The following LPP variants were observed in gnomAD, a reference collection of about 807,000 sequenced individuals.
The protein encoded by LPP is lipoma-preferred partner.
Under a neutral mutation model 60.4 loss-of-function variants are expected in LPP, and 38 were observed. That is an observed-to-expected ratio of 0.63 (90% CI 0.49 to 0.83). The LOEUF is 0.83. Among genes scored for constraint, LPP ranks in the 40% least tolerant of loss-of-function variants. The pLI, the probability that LPP is intolerant of heterozygous loss-of-function variation, is 0.00. For missense variants in LPP, 902 were observed against 783.6 expected, an observed-to-expected ratio of 1.15 and a Z score of -1.80; for synonymous variants, 328 against 290.8, an observed-to-expected ratio of 1.13 and a Z score of -1.30.
At chr3:188,179,535 T>A in intron 1 of LPP, 1 of 457,454 alleles carries the variant, frequency 2.2e-6, no homozygotes, top group South Asian at 1.5e-5. Flanking sequence ...AGAGTTCCTC[T>A]CGTGCTCTCA....
chr3:188,341,620 G>C (rs1763081883), intron 2 of LPP, 43 bp from the exon 3 acceptor site: 1 of 765,648 alleles, frequency 1.3e-6, no homozygotes, highest in African/African-American at 1.9e-5. Context: ...TATGGGTTTG[G>C]TGTCTGGAAG....
chr3:188,269,694 A>T (rs73059690), intron 2 of LPP, among the ~76,000 whole-genome samples: 17,172 of 129,762 alleles, frequency 0.13, 1,344 homozygotes, highest in African/African-American at 0.26. Flanking sequence ...TCTGTCTCCC[A>T]GGCTGGAGTG....
chr3:188,446,251 A>G (rs544236779), intron 4 of LPP, among the ~76,000 whole-genome samples: 2 of 152,140 alleles, frequency 1.3e-5, no homozygotes, highest in East Asian at 3.9e-4. Context: ...TCATTTTGCC[A>G]CTCCAATCTC....
intron 9 of LPP, among the ~76,000 whole-genome samples, chr3:188,800,384 T>C (rs189774316): frequency 6.6e-6 from 1 of 151,814 alleles, no homozygotes; most frequent in African/African-American, 2.4e-5. Flanking sequence ...TAGCTGGGAC[T>C]ACAGGTGTCT....
At position 188,438,354 on chromosome 3, in the gene LPP, TACACACACACACACAC is replaced by T. The variant is rs67832532; in HGVS notation, c.193+32073_193+32088del. 8.0e-4 allele frequency among the ~76,000 whole-genome samples: 110 copies of T among 138,094 alleles called. 1 individual carries two copies. Among genetic ancestry groups the T allele is most frequent in the African/African-American group, 2.9e-3 (105 of 36,734 alleles). 90.6% of individuals were successfully genotyped at this position (138,094 alleles called of 152,430 possible). ...GTGTTCCAGACACTATTCCATGCATTACACACACACACACACACACACACACACACACACACACACA... is the reference window on the plus strand; with the variant it reads ...GTGTTCCAGACACTATTCCATGCATTACACACACACACACACACACACACA... On this transcript the variant is annotated intron_variant, in intron 4 of 11. Transcript: ENST00000617246.
At position 188,760,197 on chromosome 3, in the gene LPP, T is replaced by C; in HGVS notation, c.1325T>C (p.Phe442Ser). 6.2e-7 allele frequency: 1 copy of C among 1,614,132 alleles called. No individual in the cohort carries two copies. The highest frequency in any genetic ancestry group is 1.6e-4 in the Middle Eastern group (1 of 6,062). Reference protein sequence around the residue: ...AMDQVFHVDCFTCIICNNKLR... With the variant: ...AMDQVFHVDCSTCIICNNKLR... ...GATCAGGTCTTCCACGTGGATTGTT[T>C]TACCTGCATCATCTGCAACAACAAG... Residue 442 changes from phenylalanine (F) to serine (S), a missense_variant, in exon 9 of 12, where the codon TTT becomes TCT. Transcript: ENST00000617246.
chr3:188,495,083 T>TATATATATATATATATATTTA (rs57578460), intron 5 of LPP, among the ~76,000 whole-genome samples: 5 of 77,786 alleles, frequency 6.4e-5, no homozygotes, highest in African/African-American at 3.4e-4. Context: ...TATATATATA[T>TATATATATATATATATATTTA]TTTATTTATA....
chr3:188,234,811 C>T (rs1721300132), intron 2 of LPP, among the ~76,000 whole-genome samples: 1 of 152,062 alleles, frequency 6.6e-6, no homozygotes, highest in Admixed American at 6.6e-5. Flanking sequence ...TTATGATGTC[C>T]CCACTATTCA....
intron 1 of LPP, among the ~76,000 whole-genome samples, 48 bp downstream of exon 1, chr3:188,154,300 C>T (rs1395602284): frequency 6.6e-6 from 1 of 152,094 alleles, no homozygotes; most frequent in Non-Finnish European, 1.5e-5. Context: ...CCGCGGGCGC[C>T]TCGGGAACCC....
intron 6 of LPP, among the ~76,000 whole-genome samples, chr3:188,540,790 A>G (rs964189127): frequency 2.0e-5 from 3 of 152,210 alleles, no homozygotes; most frequent in Non-Finnish European, 4.4e-5. Context: ...GCTTTTATAT[A>G]AGAAGATTGA....
At chr3:188,474,656 T>C (rs6801442) in intron 4 of LPP, among the ~76,000 whole-genome samples, 54,900 of 152,102 alleles carry the variant, frequency 0.36, 9,919 homozygotes, top group African/African-American at 0.39. Context: ...TTCTTTGTTT[T>C]TACTGGTAAA....
At chr3:188,815,909 T>A (rs774898103) in intron 9 of LPP, among the ~76,000 whole-genome samples, 2 of 152,182 alleles carry the variant, frequency 1.3e-5, no homozygotes, top group East Asian at 1.9e-4. Context: ...ATTACTGGGG[T>A]CTTTGTATCA....
At position 188,572,027 on chromosome 3, in the gene LPP, T is replaced by C. The variant is rs1449091228; in HGVS notation, c.430-37134T>C. On this transcript the variant is annotated intron_variant, in intron 6 of 11. Coordinates refer to ENST00000617246, the MANE Select transcript of LPP (RefSeq NM_001375462.1). The surrounding 1 kb of genome is among the most constrained non-coding windows in gnomAD (Gnocchi z 4.1). Reference sequence around the variant, plus strand: ...ACTTGGAAGAAAATCCTGGAGTCAATAGTGGACCCCTTTTTTATTAAGACT... The same window carrying C: ...ACTTGGAAGAAAATCCTGGAGTCAACAGTGGACCCCTTTTTTATTAAGACT... Among the ~76,000 whole-genome samples, 2 of 152,072 alleles carry C rather than the reference T, an allele frequency of 1.3e-5. No individual in the cohort carries two copies. Among genetic ancestry groups the C allele is most frequent in the African/African-American group, 4.8e-5 (2 of 41,428 alleles).
At chr3:188,802,244 G>C (rs1747492827) in intron 9 of LPP, among the ~76,000 whole-genome samples, 1 of 152,072 alleles carries the variant, frequency 6.6e-6, no homozygotes, top group Admixed American at 6.5e-5. Context: ...ATTATGTGAG[G>C]TTTAACTCTT....
At chr3:188,493,782 C>A (rs903088985) in intron 5 of LPP, among the ~76,000 whole-genome samples, 7 of 152,008 alleles carry the variant, frequency 4.6e-5, no homozygotes, top group Non-Finnish European at 8.8e-5. Context: ...ATATTTTAAT[C>A]TTTCATTCAC....
chr3:188,861,061 T>G (rs925822083), intron 9 of LPP, among the ~76,000 whole-genome samples: 1 of 152,242 alleles, frequency 6.6e-6, no homozygotes, highest in African/African-American at 2.4e-5. Context: ...ATCATGGTTT[T>G]CAGATAGTAC....
chr3:188,851,505 C>T (rs1192543622), intron 9 of LPP, among the ~76,000 whole-genome samples: 5 of 152,282 alleles, frequency 3.3e-5, no homozygotes, highest in Admixed American at 2.6e-4. Flanking sequence ...TATTTTGCAT[C>T]CGTACTTTAT....
intron 6 of LPP, among the ~76,000 whole-genome samples, chr3:188,526,918 A>C (rs1281899748): frequency 6.6e-6 from 1 of 152,218 alleles, no homozygotes; most frequent in Non-Finnish European, 1.5e-5. Flanking sequence ...GCAGGAGCAC[A>C]AAGAAGATAG....
At chr3:188,512,630 C>CT (rs1479623954) in intron 5 of LPP, among the ~76,000 whole-genome samples, 1 of 151,772 alleles carries the variant, frequency 6.6e-6, no homozygotes, top group Non-Finnish European at 1.5e-5. Flanking sequence ...TGGCATGACG[C>CT]TTTGCTTTAT....
Sources: allele counts gnomAD v4.1 joint callset (sites outside exome capture counted in the v4.1 genomes callset), GRCh38; gene constraint gnomAD v4.1.1; non-coding constraint Gnocchi (gnomAD v3.1); transcripts MANE v1.5; gene names NCBI Gene and HGNC (gene_info 2026-07-23, HGNC 2026-07-21).